DLG2: variants seen among roughly 807,000 people sequenced by gnomAD.
DLG2 encodes the protein discs large MAGUK scaffold protein 2, also known as disks large homolog 2.
A neutral mutation model predicts 132.5 loss-of-function variants in DLG2; 45 were observed. The ratio of observed to expected loss-of-function variants is 0.34; its 90% confidence interval spans 0.27 to 0.44. DLG2 has a LOEUF of 0.44. DLG2 is among the 20% of genes least tolerant of loss of function. DLG2 has a pLI of 1.00. For synonymous variants in DLG2, 424 were observed against 419.6 expected, an observed-to-expected ratio of 1.01 and a Z score of -0.13; for missense variants, 1,045 against 1,196.9, an observed-to-expected ratio of 0.87 and a Z score of 1.87.
chr11:84,841,476 G>GAAAAATAAAA (rs1056344158), intron 6 of DLG2, among the ~76,000 whole-genome samples: 4 of 151,866 alleles, frequency 2.6e-5, no homozygotes, highest in Admixed American at 2.6e-4. Flanking sequence ...ACAATTATCT[G>GAAAAATAAAA]AAAAATTAAA....
intron 10 of DLG2, among the ~76,000 whole-genome samples, chr11:84,097,583 CT>C (rs1248259143): frequency 6.6e-6 from 1 of 152,178 alleles, no homozygotes; most frequent in African/African-American, 2.4e-5. Context: ...TGAATAAACT[CT>C]TCCTTACAGT....
chr11:84,382,993 C>T (rs1237830253), intron 7 of DLG2, among the ~76,000 whole-genome samples: 3 of 151,936 alleles, frequency 2.0e-5, no homozygotes, highest in Admixed American at 6.6e-5. Flanking sequence ...AACCTCCTTC[C>T]ATCTGTCCTC....
At chr11:84,096,508 T>C (rs1282540176) in intron 10 of DLG2, among the ~76,000 whole-genome samples, 2 of 152,146 alleles carry the variant, frequency 1.3e-5, no homozygotes, top group African/African-American at 4.8e-5. Context: ...AGCAAACATA[T>C]ATAAACATAT....
At chr11:85,082,098 A>G (rs1331131224) in intron 6 of DLG2, among the ~76,000 whole-genome samples, 1 of 152,174 alleles carries the variant, frequency 6.6e-6, no homozygotes, top group African/African-American at 2.4e-5. Flanking sequence ...TTATTCTGAT[A>G]ACTCCCAGAT....
At chr11:84,832,759 G>C (rs867632682) in intron 6 of DLG2, among the ~76,000 whole-genome samples, 1 of 151,544 alleles carries the variant, frequency 6.6e-6, no homozygotes, top group Non-Finnish European at 1.5e-5. Context: ...TCTGCTGATA[G>C]AAATTTCTTA....
intron 6 of DLG2, among the ~76,000 whole-genome samples, chr11:84,780,425 C>A (rs938201773): frequency 3.3e-5 from 5 of 152,002 alleles, no homozygotes; most frequent in Non-Finnish European, 7.4e-5. Context: ...AAACATCACA[C>A]TGAATAGGAA....
rs551286386 is a variant in DLG2 at position 85,554,038 on chromosome 11, T to C, written c.40+44619A>G. On this transcript the variant is annotated intron_variant, in intron 3 of 27. Transcript: ENST00000376104. ...GTTATAGCCAAAAACTTAAAAGTCA[T>C]AGCCAAAAAGTATATATTTGAGAAG... Among the ~76,000 whole-genome samples, 84 of 151,406 alleles carry C rather than the reference T, an allele frequency of 5.5e-4. 1 individual carries two copies. The highest frequency in any genetic ancestry group is 3.4e-3 in the Middle Eastern group (1 of 292).
intron 3 of DLG2, among the ~76,000 whole-genome samples, chr11:85,517,280 C>T (rs781312228): frequency 6.6e-6 from 1 of 151,772 alleles, no homozygotes; most frequent in Non-Finnish European, 1.5e-5. Flanking sequence ...AAGAAACATA[C>T]CTCAAAATAA....
chr11:85,147,322 G>C (rs935077510), intron 5 of DLG2, among the ~76,000 whole-genome samples: 6 of 152,036 alleles, frequency 3.9e-5, no homozygotes, highest in African/African-American at 1.4e-4. Flanking sequence ...TTGACTTTTT[G>C]ATAAAGCCAT....
At chr11:83,808,830 T>G (rs1407641791) in intron 17 of DLG2, among the ~76,000 whole-genome samples, 4 of 151,866 alleles carry the variant, frequency 2.6e-5, no homozygotes, top group Admixed American at 1.3e-4. Flanking sequence ...TTTTTTTTCC[T>G]CTCTATTATA....
intron 7 of DLG2, among the ~76,000 whole-genome samples, chr11:84,394,741 C>T (rs569273386): frequency 2.6e-4 from 39 of 152,170 alleles, no homozygotes; most frequent in Non-Finnish European, 4.6e-4. Context: ...CCTGCCTCAG[C>T]CTCCTAAGTA....
intron 7 of DLG2, among the ~76,000 whole-genome samples, chr11:84,528,485 T>TTATTCAGC (rs755576824): frequency 3.5e-4 from 53 of 152,180 alleles, no homozygotes; most frequent in Non-Finnish European, 5.9e-4. Context: ...GACAGTGAGA[T>TTATTCAGC]TATTCAGCTA....
intron 18 of DLG2, among the ~76,000 whole-genome samples, chr11:83,761,423 C>A (rs2093903063): frequency 1.3e-5 from 2 of 152,186 alleles, no homozygotes; most frequent in Non-Finnish European, 2.9e-5. Flanking sequence ...TTTGGCCAAT[C>A]CCAAGTTGAT....
chr11:83,752,813 T>C, intron 18 of DLG2, among the ~76,000 whole-genome samples: 1 of 152,192 alleles, frequency 6.6e-6, no homozygotes, highest in Admixed American at 6.5e-5. Context: ...GAAGAAGGCA[T>C]TGGCCAGAAA....
chr11:84,156,623 T>A (rs1002979680), intron 9 of DLG2, among the ~76,000 whole-genome samples: 2 of 152,236 alleles, frequency 1.3e-5, no homozygotes, highest in African/African-American at 2.4e-5. Context: ...TAAAATAATT[T>A]AAAAATCTGA....
chr11:83,602,237 C>T (rs2153379057), intron 19 of DLG2, among the ~76,000 whole-genome samples: 1 of 152,282 alleles, frequency 6.6e-6, no homozygotes, highest in Admixed American at 6.5e-5. Flanking sequence ...TTAACTTGTT[C>T]CAGTATGAAA....
At chr11:84,040,619 T>C (rs2096046807) in intron 11 of DLG2, among the ~76,000 whole-genome samples, 2 of 151,952 alleles carry the variant, frequency 1.3e-5, no homozygotes, top group Non-Finnish European at 2.9e-5. Flanking sequence ...TTTTGGTTAC[T>C]GTAGCCTTGT....
At chr11:84,346,297 T>C (rs1196783562) in intron 7 of DLG2, among the ~76,000 whole-genome samples, 1 of 152,232 alleles carries the variant, frequency 6.6e-6, no homozygotes, top group Non-Finnish European at 1.5e-5. Context: ...TTTATAGGTC[T>C]TCCCTTCACT....
intron 7 of DLG2, among the ~76,000 whole-genome samples, chr11:84,491,321 T>A (rs1470282699): frequency 6.6e-6 from 1 of 150,962 alleles, no homozygotes; most frequent in Non-Finnish European, 1.5e-5. Flanking sequence ...TAAGGGGGAG[T>A]TTTCCTGCAC....
Sources: allele counts gnomAD v4.1 joint callset (sites outside exome capture counted in the v4.1 genomes callset), GRCh38; gene constraint gnomAD v4.1.1; transcripts MANE v1.5; gene names NCBI Gene and HGNC (gene_info 2026-07-23, HGNC 2026-07-21).